ATR: variants seen among roughly 807,000 people sequenced by gnomAD.
The protein encoded by ATR is serine/threonine-protein kinase ATR.
ATR carries 142 observed loss-of-function variants against 305.3 expected under a neutral mutation model. The observed-to-expected ratio is 0.47, with a 90% CI of 0.41 to 0.53. The LOEUF (loss-of-function observed/expected upper bound fraction) is 0.53. Among genes scored for constraint, ATR ranks in the 20% least tolerant of loss-of-function variants. The pLI, the probability that ATR is intolerant of heterozygous loss-of-function variation, is 0.00. For missense variants in ATR, 2,135 were observed against 3,133.1 expected (o/e 0.68, Z 7.60); for synonymous variants, 1,050 against 1,068.1 (o/e 0.98, Z 0.33).
intron 9 of ATR, 69 bp from the exon 10 acceptor site, chr3:142,556,208 T>C: frequency 6.4e-7 from 1 of 1,571,882 alleles, no homozygotes; most frequent in Non-Finnish European, 8.7e-7. Context: ...TCTTGCTTAA[T>C]TTGGGACAAA....
At chr3:142,497,940 T>TCAAGGTA (rs1371451858) in intron 32 of ATR, among the ~76,000 whole-genome samples, 3 of 152,194 alleles carry the variant, frequency 2.0e-5, no homozygotes, top group African/African-American at 7.2e-5. Flanking sequence ...GATTCAGTGT[T>TCAAGGTA]CAAGGTACAA....
chr3:142,461,175 G>GAGA (rs2071017947), intron 42 of ATR, among the ~76,000 whole-genome samples: 1 of 152,008 alleles, frequency 6.6e-6, no homozygotes, highest in African/African-American at 2.4e-5. Context: ...TAATTGTTAA[G>GAGA]TATCTGATAG....
chr3:142,456,712 A>C (rs534622139), intron 45 of ATR, among the ~76,000 whole-genome samples: 1 of 152,358 alleles, frequency 6.6e-6, no homozygotes, highest in East Asian at 1.9e-4. Flanking sequence ...AGGGAAGTGC[A>C]AATTAAAACC....
At chr3:142,452,972 T>C in intron 46 of ATR, 156 bp downstream of exon 46, 1 of 1,499,840 alleles carries the variant, frequency 6.7e-7, no homozygotes, top group Non-Finnish European at 8.9e-7. Context: ...ACTTATGGCA[T>C]TGTGATACTA....
intron 36 of ATR, among the ~76,000 whole-genome samples, chr3:142,476,706 T>C (rs1435940642): frequency 6.6e-6 from 1 of 152,236 alleles, no homozygotes; most frequent in Non-Finnish European, 1.5e-5. Flanking sequence ...TTTCACGATA[T>C]TGATTCTTCC....
Position 142,559,241 on chromosome 3 carries a change from T to C in ATR, c.1732+10A>G, listed in dbSNP as rs777238064. 4 of 1,610,554 alleles carry C rather than the reference T, an allele frequency of 2.5e-6. No homozygotes were observed. In the African/African-American group the frequency reaches 5.3e-5, roughly 22 times the overall value. On this transcript the variant is annotated intron_variant, in intron 7 of 46. Transcript: ENST00000350721. ...AAGGTTATTCTGATCTGTTGCTAAT[T>C]TGTACTCACCTTGCATATAAATCAA...
At chr3:142,571,242 C>T (rs1480737828) in intron 1 of ATR, among the ~76,000 whole-genome samples, 1 of 151,966 alleles carries the variant, frequency 6.6e-6, no homozygotes, top group Admixed American at 6.6e-5. Context: ...CTAAGGCAGG[C>T]GGATCATGAG....
chr3:142,519,909 A>G, intron 23 of ATR, 125 bp from the exon 24 acceptor site: 1 of 777,736 alleles, frequency 1.3e-6, no homozygotes. Context: ...ACTTCGCTTT[A>G]TTTATGCTTC....
intron 41 of ATR, among the ~76,000 whole-genome samples, chr3:142,463,428 A>T (rs1008295371): frequency 3.9e-5 from 6 of 152,072 alleles, no homozygotes; most frequent in Admixed American, 3.9e-4. Context: ...ACAGAATCTC[A>T]CTCTGTCACC....
chr3:142,554,329 G>C (rs2034584812), intron 10 of ATR, among the ~76,000 whole-genome samples: 1 of 151,982 alleles, frequency 6.6e-6, no homozygotes, highest in East Asian at 1.9e-4. Flanking sequence ...CCAGGTTCAA[G>C]TGATCCTCCC....
At chr3:142,539,185 T>C (rs2033967231) in intron 18 of ATR, among the ~76,000 whole-genome samples, 1 of 152,160 alleles carries the variant, frequency 6.6e-6, no homozygotes, top group Admixed American at 6.5e-5. Flanking sequence ...AGTAGCTACA[T>C]TCACTTAAGA....
chr3:142,512,174 C>A (rs2108370218), intron 27 of ATR, 86 bp downstream of exon 27: 1 of 1,210,700 alleles, frequency 8.3e-7, no homozygotes, highest in South Asian at 1.3e-5. Context: ...TAAGCTAGTG[C>A]TTAAATTATA....
At chr3:142,483,998 A>T (rs2030731691) in intron 36 of ATR, among the ~76,000 whole-genome samples, 1 of 152,062 alleles carries the variant, frequency 6.6e-6, no homozygotes, top group African/African-American at 2.4e-5. Context: ...GAATTTTTTT[A>T]AAAATCCAGG....
At chr3:142,506,860 A>G (rs1175176795) in intron 28 of ATR, among the ~76,000 whole-genome samples, 3 of 152,184 alleles carry the variant, frequency 2.0e-5, no homozygotes, top group Non-Finnish European at 4.4e-5. Flanking sequence ...TAGCCTTACT[A>G]GAGAAACACA....
At chr3:142,475,055 C>T (rs1281494225) in intron 36 of ATR, among the ~76,000 whole-genome samples, 5 of 151,816 alleles carry the variant, frequency 3.3e-5, no homozygotes, top group African/African-American at 9.7e-5. Flanking sequence ...GATGTTCATT[C>T]TATTATTATG....
At chr3:142,557,440 A>AC (rs1185944788) in intron 8 of ATR, among the ~76,000 whole-genome samples, 1 of 152,222 alleles carries the variant, frequency 6.6e-6, no homozygotes, top group African/African-American at 2.4e-5. Context: ...AACTAGAGTT[A>AC]CCCATATCAC....
In ATR at chr3:142,514,559, G is replaced by A. The variant is rs536462383; in HGVS notation, c.4503+836C>T. 5.9e-5 allele frequency among the ~76,000 whole-genome samples: 9 copies of A among 151,786 alleles called. No homozygotes were observed. The South Asian group carries it at 1.2e-3, about 21-fold the overall frequency. ...TGAGGCAGGAGAATGGCATGAACCC[G>A]GGAGGCGGAGCTTGCAGTGAGCTGA... On this transcript the variant is annotated intron_variant, in intron 25 of 46. Transcript: ENST00000350721.
rs142656028 is a variant in ATR at position 142,539,792 on chromosome 3, G to T, written c.3581+1112C>A. Among the ~76,000 whole-genome samples the T allele has an allele frequency of 1.9e-3, 283 of 152,102 alleles. 1 individual carries two copies. Among genetic ancestry groups the T allele is most frequent in the African/African-American group, 6.5e-3 (271 of 41,482 alleles). On this transcript the variant is annotated intron_variant, in intron 18 of 46. Coordinates refer to ENST00000350721, the MANE Select transcript of ATR (RefSeq NM_001184.4). ...TTTATGAGGAATTTTGTTTTAAGAA[G>T]AATCCCACCTAGTAAATACAGAAGG...
At chr3:142,465,722 T>C (rs1445865064) in intron 40 of ATR, 2 of 159,960 alleles carry the variant, frequency 1.3e-5, no homozygotes, top group Non-Finnish European at 2.7e-5. Context: ...AAACAAAGCA[T>C]AGACTGGGTA....
Sources: allele counts gnomAD v4.1 joint callset (sites outside exome capture counted in the v4.1 genomes callset), GRCh38; gene constraint gnomAD v4.1.1; transcripts MANE v1.5; gene names NCBI Gene and HGNC (gene_info 2026-07-23, HGNC 2026-07-21).